WDR27: variants seen among roughly 807,000 people sequenced by gnomAD.
The protein encoded by WDR27 is WD repeat-containing protein 27.
A neutral mutation model predicts 114.4 loss-of-function variants in WDR27; 100 were observed. The observed-to-expected ratio is 0.87, with a 90% CI of 0.74 to 1.03. WDR27 has a LOEUF of 1.03. Among genes scored for constraint, WDR27 ranks in the 50% least tolerant of loss-of-function variants. The pLI is 0.00. For missense variants in WDR27, 1,129 were observed against 1,092.9 expected (o/e 1.03, Z -0.47); for synonymous variants, 449 against 423.1 (o/e 1.06, Z -0.75).
intron 25 of WDR27, among the ~76,000 whole-genome samples, chr6:169,572,173 A>G (rs952898606): frequency 1.4e-4 from 21 of 152,230 alleles, no homozygotes; most frequent in African/African-American, 4.8e-4. Context: ...ATTAAAAGCT[A>G]CAGCAATCAT....
the WDR27 span, among the ~76,000 whole-genome samples, chr6:169,428,762 G>A: frequency 6.6e-6 from 1 of 152,216 alleles, no homozygotes; most frequent in African/African-American, 2.4e-5. Flanking sequence ...TGGCGTCAGG[G>A]TGAGGGTGAG....
chr6:169,563,954 G>A (rs1394790694), intron 25 of WDR27, among the ~76,000 whole-genome samples: 3 of 152,214 alleles, frequency 2.0e-5, no homozygotes, highest in South Asian at 2.1e-4. Context: ...TAGGATAGAT[G>A]ATGAGTATAT....
chr6:169,461,919 T>G (rs1479670669), intron 25 of WDR27, among the ~76,000 whole-genome samples: 1 of 152,066 alleles, frequency 6.6e-6, no homozygotes, highest in Non-Finnish European at 1.5e-5. Context: ...GTGAGTAATT[T>G]GAGTAATTAC....
chr6:169,559,555 C>T (rs1368578813), intron 25 of WDR27: 2 of 152,150 alleles, frequency 1.3e-5, no homozygotes, highest in African/African-American at 4.8e-5. Context: ...TTGCCTCTCA[C>T]AGAAATAAGA....
At chr6:169,450,660 GTCTGGCT>G in the WDR27 span, among the ~76,000 whole-genome samples, 9 of 152,206 alleles carry the variant, frequency 5.9e-5, no homozygotes, top group Non-Finnish European at 1.0e-4. Context: ...AGTACACTGG[GTCTGGCT>G]TCTTTAGTCA....
At chr6:169,700,559 G>A (rs1787647397) in intron 1 of WDR27, among the ~76,000 whole-genome samples, 1 of 152,188 alleles carries the variant, frequency 6.6e-6, no homozygotes, top group Admixed American at 6.5e-5. Flanking sequence ...CTGGCTAAAT[G>A]CGGAGAATTC....
chr6:169,607,397 C>T (rs1055574080), intron 22 of WDR27, among the ~76,000 whole-genome samples: 1 of 48,428 alleles, frequency 2.1e-5, no homozygotes, highest in African/African-American at 4.8e-5. Flanking sequence ...TGTGTATACA[C>T]ACACACACAC....
At chr6:169,501,893 T>TA (rs1014926245) in intron 25 of WDR27, among the ~76,000 whole-genome samples, 4 of 152,200 alleles carry the variant, frequency 2.6e-5, no homozygotes, top group African/African-American at 9.6e-5. Context: ...CCCTACATGC[T>TA]TAGGTCTGAA....
intron 25 of WDR27, among the ~76,000 whole-genome samples, chr6:169,485,527 T>C (rs1788769297): frequency 6.6e-6 from 1 of 152,086 alleles, no homozygotes; most frequent in African/African-American, 2.4e-5. Flanking sequence ...GGTGAGATTG[T>C]AGAGAAAAGG....
chr6:169,575,463 G>A (rs77272935), intron 24 of WDR27, among the ~76,000 whole-genome samples: 15,082 of 150,842 alleles, frequency 0.1, 899 homozygotes, highest in African/African-American at 0.15. Context: ...CTCTGCAAAC[G>A]TGTTTCTGTA....
chr6:169,579,607 C>T (rs1301020669), intron 24 of WDR27, among the ~76,000 whole-genome samples: 4 of 152,268 alleles, frequency 2.6e-5, no homozygotes, highest in South Asian at 4.2e-4. Flanking sequence ...ATAAGACACT[C>T]CCACTGGTAC....
chr6:169,612,433 AAACAAACG>A (rs767712660), intron 22 of WDR27, among the ~76,000 whole-genome samples: 2 of 145,344 alleles, frequency 1.4e-5, no homozygotes, highest in African/African-American at 4.9e-5. Flanking sequence ...GTCTCAAAAC[AAACAAACG>A]AACAAACAAA....
chr6:169,529,316 G>T (rs1347337240), intron 25 of WDR27, among the ~76,000 whole-genome samples: 1 of 141,996 alleles, frequency 7.0e-6, no homozygotes, highest in Non-Finnish European at 1.5e-5. Flanking sequence ...CCTCTGCGGG[G>T]GGGGGGGGCA....
chr6:169,682,504 A>G (rs1251101501), intron 2 of WDR27, among the ~76,000 whole-genome samples: 2 of 152,210 alleles, frequency 1.3e-5, no homozygotes, highest in Non-Finnish European at 2.9e-5. Context: ...CTGTGCTTAA[A>G]GCATCCTCTA....
At chr6:169,474,553 A>C (rs1242562125) in intron 25 of WDR27, among the ~76,000 whole-genome samples, 2 of 152,318 alleles carry the variant, frequency 1.3e-5, no homozygotes, top group African/African-American at 4.8e-5. Context: ...AGAATTAGTG[A>C]ATTGGAAAAC....
At chr6:169,504,026 A>G (rs1405954655) in intron 25 of WDR27, among the ~76,000 whole-genome samples, 1 of 152,188 alleles carries the variant, frequency 6.6e-6, no homozygotes, top group Non-Finnish European at 1.5e-5. Context: ...ACTGATGTGT[A>G]AAATTTACTT....
chr6:169,506,053 T>G (rs1263229793), intron 25 of WDR27, among the ~76,000 whole-genome samples: 4 of 152,224 alleles, frequency 2.6e-5, no homozygotes, highest in African/African-American at 9.6e-5. Flanking sequence ...CAGCAGACAT[T>G]TGCTTTTGTA....
chr6:169,636,729 T>C (rs1417180183), intron 18 of WDR27, among the ~76,000 whole-genome samples: 1 of 152,234 alleles, frequency 6.6e-6, no homozygotes, highest in Non-Finnish European at 1.5e-5. Context: ...TTCCAGCCAT[T>C]TAACAACTTT....
intron 9 of WDR27, 113 bp from the exon 10 acceptor site, chr6:169,660,879 G>C: frequency 1.1e-6 from 1 of 876,060 alleles, no homozygotes; most frequent in Non-Finnish European, 1.7e-6. Flanking sequence ...GGGAGTGTGG[G>C]CGTTGGGCCC....
Sources: allele counts gnomAD v4.1 joint callset (sites outside exome capture counted in the v4.1 genomes callset), GRCh38; gene constraint gnomAD v4.1.1; transcripts MANE v1.5; gene names NCBI Gene and HGNC (gene_info 2026-07-23, HGNC 2026-07-21).